VPS53: variants seen among roughly 807,000 people sequenced by gnomAD.
VPS53 encodes the protein vacuolar protein sorting-associated protein 53 homolog.
VPS53 carries 70 observed loss-of-function variants against 107.0 expected under a neutral mutation model. That is an observed-to-expected ratio of 0.65 (90% CI 0.54 to 0.80). The LOEUF is 0.80. Among genes scored for constraint, VPS53 ranks in the 30% least tolerant of loss-of-function variants. The pLI is 0.00. For synonymous variants in VPS53, 409 were observed against 393.3 expected, an observed-to-expected ratio of 1.04 and a Z score of -0.47; for missense variants, 917 against 1,049.4, an observed-to-expected ratio of 0.87 and a Z score of 1.74.
intron 12 of VPS53, among the ~76,000 whole-genome samples, chr17:601,494 A>G (rs917997585): frequency 3.9e-5 from 6 of 152,186 alleles, no homozygotes; most frequent in Non-Finnish European, 8.8e-5. Flanking sequence ...AACTCAGCTG[A>G]CAAGCTCAGG....
intron 12 of VPS53, among the ~76,000 whole-genome samples, chr17:592,948 G>C (rs1187355291): frequency 1.3e-5 from 2 of 152,094 alleles, no homozygotes; most frequent in African/African-American, 2.4e-5. Flanking sequence ...TGCTAGATTG[G>C]GGAAGTTCTC....
At chr17:600,383 A>T (rs1968274195) in intron 12 of VPS53, among the ~76,000 whole-genome samples, 1 of 152,138 alleles carries the variant, frequency 6.6e-6, no homozygotes, top group African/African-American at 2.4e-5. Flanking sequence ...TGGGTGGAGG[A>T]CATGCCAGAA....
At chr17:554,565 G>A (rs1026446876) in intron 15 of VPS53, among the ~76,000 whole-genome samples, 5 of 152,014 alleles carry the variant, frequency 3.3e-5, no homozygotes, top group South Asian at 2.1e-4. Flanking sequence ...CACCATGTCC[G>A]GCTAATTTCG....
intron 4 of VPS53, among the ~76,000 whole-genome samples, chr17:670,273 T>G (rs563879157): frequency 6.6e-6 from 1 of 152,194 alleles, no homozygotes; most frequent in Non-Finnish European, 1.5e-5. Flanking sequence ...GACGGTGTTA[T>G]AAAGCGGTGA....
At chr17:638,212 C>G (rs1260882681) in intron 7 of VPS53, among the ~76,000 whole-genome samples, 11 of 152,022 alleles carry the variant, frequency 7.2e-5, no homozygotes, top group East Asian at 3.8e-4. Context: ...TTTAAAGTCT[C>G]TTTTATGAGA....
intron 11 of VPS53, among the ~76,000 whole-genome samples, chr17:622,568 A>G (rs952638581): frequency 6.6e-6 from 1 of 152,180 alleles, no homozygotes; most frequent in African/African-American, 2.4e-5. Flanking sequence ...GTATTCAAGG[A>G]GCTCAATGTC....
chr17:579,285 C>A (rs1435849706), intron 13 of VPS53, among the ~76,000 whole-genome samples: 1 of 150,364 alleles, frequency 6.7e-6, no homozygotes, highest in Non-Finnish European at 1.5e-5. Context: ...GAGAACTTCC[C>A]TCAGAACCTA....
intron 4 of VPS53, among the ~76,000 whole-genome samples, chr17:668,038 C>T (rs1464391943): frequency 6.6e-6 from 1 of 152,162 alleles, no homozygotes; most frequent in East Asian, 1.9e-4. Context: ...CAAAAAACTG[C>T]TCGCTGGTGC....
chr17:625,475 TAA>T (rs34322673), intron 10 of VPS53, among the ~76,000 whole-genome samples: 87 of 136,354 alleles, frequency 6.4e-4, no homozygotes, highest in Middle Eastern at 3.7e-3. Flanking sequence ...CCCCATCTCT[TAA>T]AAAAAAAAAA....
At chr17:640,505 G>A (rs936320959) in intron 7 of VPS53, among the ~76,000 whole-genome samples, 4 of 152,114 alleles carry the variant, frequency 2.6e-5, no homozygotes, top group Non-Finnish European at 5.9e-5. Flanking sequence ...GCTGGGAGCT[G>A]TAGACTAGAG....
Position 511,568 on chromosome 17 carries a change from C to A in VPS53, c.*7560G>T, listed in dbSNP as rs1384659245. On this transcript the variant is annotated 3_prime_UTR_variant, in exon 22 of 22. Coordinates refer to ENST00000437048, the MANE Select transcript of VPS53 (RefSeq NM_001128159.3). The stretch of plus-strand genomic sequence containing the variant: ...AGTCAACACCCTCAAAGGGGACAGA[C>A]AGAAACAGAAAGGAACTTTTGGGCT... The A allele has an allele frequency of 6.6e-6, 1 of 152,136 alleles. No homozygotes were observed. 9.4% of individuals were successfully genotyped at this position (152,136 alleles called of 1,614,324 possible).
intron 7 of VPS53, among the ~76,000 whole-genome samples, chr17:652,831 C>A (rs1029777728): frequency 6.6e-6 from 1 of 152,196 alleles, no homozygotes; most frequent in African/African-American, 2.4e-5. Flanking sequence ...TCCATATATA[C>A]AACTGTAACT....
intron 12 of VPS53, chr17:600,127 G>A (rs553219062): frequency 2.0e-5 from 3 of 152,302 alleles, no homozygotes; most frequent in African/African-American, 7.2e-5. Flanking sequence ...CAAGAAAAAG[G>A]AAAATTACAT....
intron 11 of VPS53, among the ~76,000 whole-genome samples, chr17:618,817 G>A (rs1969295609): frequency 6.7e-6 from 1 of 149,286 alleles, no homozygotes; most frequent in African/African-American, 2.5e-5. Flanking sequence ...AATATTTCCT[G>A]GGTAGCAGGG....
chr17:657,060 C>T (rs570074305), intron 5 of VPS53: 103 of 915,076 alleles, frequency 1.1e-4, no homozygotes, highest in Middle Eastern at 4.3e-4. Flanking sequence ...TTGCCAGTGT[C>T]GAACGTGATG....
intron 17 of VPS53, among the ~76,000 whole-genome samples, chr17:547,087 G>A (rs1179595198): frequency 6.6e-6 from 1 of 152,046 alleles, no homozygotes; most frequent in African/African-American, 2.4e-5. Context: ...ATGTTGGCCA[G>A]GCTGGTCTTG....
intron 9 of VPS53, 65 bp from the exon 10 acceptor site, chr17:627,381 C>G: frequency 6.5e-7 from 1 of 1,534,828 alleles, no homozygotes; most frequent in Non-Finnish European, 8.8e-7. Context: ...TTCAAGGAAA[C>G]AAGCAAAAAC....
chr17:633,406 G>A (rs1036717254), intron 7 of VPS53, among the ~76,000 whole-genome samples: 1 of 152,052 alleles, frequency 6.6e-6, no homozygotes, highest in Non-Finnish European at 1.5e-5. Context: ...TTCCATTCTC[G>A]GTCTCCACCC....
chr17:627,897 C>T (rs1367008218), intron 9 of VPS53, among the ~76,000 whole-genome samples, 191 bp downstream of exon 9: 3 of 152,144 alleles, frequency 2.0e-5, no homozygotes, highest in African/African-American at 7.2e-5. Context: ...GTGCATGTTT[C>T]TGAATTTCTC....
Sources: gnomAD v4.1 joint callset for allele counts (sites outside exome capture counted in the v4.1 genomes callset) on GRCh38, gnomAD v4.1.1 for gene constraint, MANE v1.5 for transcripts, NCBI Gene and HGNC (gene_info 2026-07-23, HGNC 2026-07-21) for gene names.